CELSR1: variants seen among roughly 807,000 people sequenced by gnomAD.
CELSR1 encodes adhesion G protein-coupled receptor C1.
Under a neutral mutation model 249.1 loss-of-function variants are expected in CELSR1, and 110 were observed. That is an observed-to-expected ratio of 0.44 (90% CI 0.38 to 0.52). CELSR1 has a LOEUF of 0.52. CELSR1 is among the 20% of genes least tolerant of loss of function. The pLI is 0.00. For missense variants in CELSR1, 4,109 were observed against 4,296.4 expected (o/e 0.96, Z 1.22); for synonymous variants, 2,113 against 1,900.0 (o/e 1.11, Z -2.92).
intron 28 of CELSR1, 97 bp downstream of exon 28, chr22:46,367,628 GGGCT>G: frequency 6.8e-7 from 1 of 1,481,348 alleles, no homozygotes; most frequent in South Asian, 1.3e-5. Flanking sequence ...GACCCAGGCA[GGGCT>G]GGTTTGGGAC....
In CELSR1 at chr22:46,399,585, G is replaced by T; in HGVS notation, c.5412+132C>A. 3.6e-6 allele frequency: 3 copies of T among 837,958 alleles called. No individual in the cohort carries two copies. Among genetic ancestry groups the T allele is most frequent in the South Asian group, 1.7e-5 (1 of 60,210 alleles). The allele number at this position is 837,958 out of a possible 1,614,324, so 51.9% of individuals were successfully genotyped here. A position where few individuals can be genotyped will look rare whatever the true frequency, so the allele number is the denominator to read the frequency against. ...TACAGGGCAGAACAGAAGCCCACCT[G>T]CGGGGACCCAGAAAGTGCCTCCCCA... On this transcript the variant is annotated intron_variant, in intron 10 of 34. Coordinates refer to ENST00000674500, the MANE Select transcript of CELSR1 (RefSeq NM_001378328.1). This position sits in a 1 kb window ranked among gnomAD's most constrained non-coding sequence, Gnocchi z 5.0.
rs1050284315 is a variant in CELSR1 at position 46,374,093 on chromosome 22, C to T, written c.7585-1036G>A. On this transcript the variant is annotated intron_variant, in intron 24 of 34. Transcript: ENST00000674500. The surrounding 1 kb of genome is among the most constrained non-coding windows in gnomAD (Gnocchi z 4.3). ...ACAGAGCAGGAACCGAAGCAGGGAA[C>T]GCAGGCTCAAGTTATGCCAGAGACA... 2.6e-5 allele frequency among the ~76,000 whole-genome samples: 4 copies of T among 152,236 alleles called. No homozygotes were observed. The highest frequency in any genetic ancestry group is 7.2e-5 in the African/African-American group (3 of 41,460).
chr22:46,386,431 C>T lies in CELSR1; in HGVS notation c.6710G>A (p.Arg2237Gln), dbSNP rs757607681. The T allele has an allele frequency of 8.2e-6, 13 of 1,591,584 alleles. No homozygotes were observed. Among genetic ancestry groups the T allele is most frequent in the Admixed American group, 1.8e-5 (1 of 56,602 alleles). Residue 2237 changes from arginine (R) to glutamine (Q), a missense_variant, in exon 19 of 35, where the codon CGG becomes CAG. Transcript: ENST00000674500. ...VARNVRRTYL[R>Q]PFVIVTANMI... ...GTTGGCGGTGACGATGACGAAGGGC[C>T]GCAGGTACGTCCGCCGCACGTTGCG...
At chr22:46,467,196 G>A (rs2080105742) in intron 1 of CELSR1, among the ~76,000 whole-genome samples, 1 of 152,182 alleles carries the variant, frequency 6.6e-6, no homozygotes, top group Non-Finnish European at 1.5e-5. Context: ...CTTACGCAAT[G>A]CTCATAAATA....
intron 2 of CELSR1, among the ~76,000 whole-genome samples, 183 bp downstream of exon 2, chr22:46,463,522 TAA>T (rs11453877): frequency 3.5e-5 from 5 of 142,206 alleles, no homozygotes; most frequent in African/African-American, 5.2e-5. Flanking sequence ...TCAAAAAAGT[TAA>T]AAAAAAAAAA....
intron 1 of CELSR1, among the ~76,000 whole-genome samples, chr22:46,499,144 C>A (rs903068154): frequency 3.4e-5 from 5 of 149,088 alleles, no homozygotes; most frequent in Admixed American, 1.3e-4. Flanking sequence ...CGTGCCACTG[C>A]ACTCCAGCCT....
In CELSR1 at chr22:46,364,129, A is replaced by G. The variant is rs1201303922; in HGVS notation, c.8902T>C (p.Ser2968Pro). 1 of 1,612,254 alleles carries G rather than the reference A, an allele frequency of 6.2e-7. No homozygotes were observed. The highest frequency in any genetic ancestry group is 2.2e-5 in the East Asian group (1 of 44,866). ...CAGTCGGGGCCGCCAGAGCCCAGGG[A>G]AGACGTGCGCGAGGATGTGGGGCTC... ...EQSPTSSRTS[S>P]LGSGGPDCAI... Residue 2968 changes from serine (S) to proline (P), a missense_variant, in exon 34 of 35, where the codon TCC becomes CCC. Physicochemically the swap from Ser to Pro is moderately conservative, Grantham distance 74 (BLOSUM62 -1). Coordinates refer to ENST00000674500, the MANE Select transcript of CELSR1 (RefSeq NM_001378328.1).
intron 5 of CELSR1, among the ~76,000 whole-genome samples, chr22:46,414,173 G>A (rs187723241): frequency 6.6e-6 from 1 of 152,294 alleles, no homozygotes; most frequent in East Asian, 1.9e-4. Context: ...CTTCAGTCTG[G>A]CCTTCGTGAA....
chr22:46,459,398 C>G (rs1179215213), intron 2 of CELSR1, among the ~76,000 whole-genome samples: 2 of 152,236 alleles, frequency 1.3e-5, no homozygotes, highest in African/African-American at 4.8e-5. Context: ...GCATACCACC[C>G]ATCACACTGC....
Position 46,365,347 on chromosome 22 carries a change from AG to A in CELSR1, c.8437del (p.Leu2813TrpfsTer70). 1.2e-6 allele frequency: 2 copies of A among 1,612,922 alleles called. No homozygotes were observed. Among genetic ancestry groups the A allele is most frequent in the Non-Finnish European group, 1.7e-6 (2 of 1,179,926 alleles). On this transcript the variant is annotated frameshift_variant, in exon 32 of 35. Transcript: ENST00000674500. LOFTEE classifies it high-confidence loss of function. Reference sequence around the variant, plus strand: ...GGCGTAAGAGCTGCTCTGCTCATCCAGGGACAGCTCGCTATCTGAGTCGGAA... The same window carrying A: ...GGCGTAAGAGCTGCTCTGCTCATCCAGGACAGCTCGCTATCTGAGTCGGAA... ...HDSDSDSELS[L>X]DEQSSSYASS... is the part of the protein sequence containing the mutation.
At chr22:46,491,042 T>A (rs1436403047) in intron 1 of CELSR1, among the ~76,000 whole-genome samples, 1 of 151,864 alleles carries the variant, frequency 6.6e-6, no homozygotes, top group Admixed American at 6.6e-5. Flanking sequence ...CCCCCCAACA[T>A]CCATGCTCGC....
chr22:46,414,642 C>A (rs2147350091), intron 5 of CELSR1, among the ~76,000 whole-genome samples: 1 of 147,974 alleles, frequency 6.8e-6, no homozygotes. Flanking sequence ...TAACCGTCCA[C>A]TCTGCAGTTG....
In CELSR1 at chr22:46,445,809, G is replaced by C. The variant is rs887036077; in HGVS notation, c.4184-6398C>G. On this transcript the variant is annotated intron_variant, in intron 2 of 34. Coordinates refer to ENST00000674500, the MANE Select transcript of CELSR1 (RefSeq NM_001378328.1). This position sits in a 1 kb window ranked among gnomAD's most constrained non-coding sequence, Gnocchi z 4.4. ...GAGGTGGAAGCGTCCAGGACTCCCC[G>C]GGTGCTGTTCTCCCTGCTTGCAGGA... is the stretch of plus-strand genomic sequence containing the variant. Among the ~76,000 whole-genome samples the C allele has an allele frequency of 5.9e-5, 9 of 152,144 alleles. No individual in the cohort carries two copies. Among genetic ancestry groups the C allele is most frequent in the African/African-American group, 1.9e-4 (8 of 41,422 alleles).
Position 46,407,535 on chromosome 22 carries a change from G to T in CELSR1, c.5226+1461C>A, listed in dbSNP as rs1250533504. ...TAATCCCAACTACAATGGAGGCTGA[G>T]GCAGGAGAATCGCTTGAACCTGGGG... On this transcript the variant is annotated intron_variant, in intron 9 of 34. Transcript: ENST00000674500. This position sits in a 1 kb window ranked among gnomAD's most constrained non-coding sequence, Gnocchi z 4.8. Among the ~76,000 whole-genome samples the T allele has an allele frequency of 1.3e-5, 2 of 152,162 alleles. No homozygotes were observed. The highest frequency in any genetic ancestry group is 2.4e-5 in the African/African-American group (1 of 41,440).
chr22:46,471,418 C>G lies in CELSR1; in HGVS notation c.3545-7073G>C, dbSNP rs561821654. 6.6e-6 allele frequency among the ~76,000 whole-genome samples: 1 copy of G among 152,078 alleles called. No individual in the cohort carries two copies. Among genetic ancestry groups the G allele is most frequent in the Non-Finnish European group, 1.5e-5 (1 of 68,024 alleles). On this transcript the variant is annotated intron_variant, in intron 1 of 34. Transcript: ENST00000674500. This position sits in a 1 kb window ranked among gnomAD's most constrained non-coding sequence, Gnocchi z 4.9. ...TCTTTTGCTTGTTTTGAGACAGAGT[C>G]TCATTCTGTGGCCCAGGCTGGAATG...
chr22:46,367,778 C>T lies in CELSR1; in HGVS notation c.8030G>A (p.Arg2677His), dbSNP rs752786914. 1.4e-5 allele frequency: 23 copies of T among 1,610,732 alleles called. No homozygotes were observed. The highest frequency in any genetic ancestry group is 8.9e-5 in the South Asian group (8 of 90,284). The change falls in exon 28 of 35, where the codon CGC (arginine) becomes CAC (histidine). Residue 2677 changes from arginine (R) to histidine (H), a missense_variant. By Grantham distance (29) the Arg-to-His change is conservative (BLOSUM62 0). This residue lies in a region of CELSR1 where 1,805 missense variants were observed against 1,831.6 expected (regional missense o/e 0.99). Coordinates refer to ENST00000674500, the MANE Select transcript of CELSR1 (RefSeq NM_001378328.1). ...TWLLGLLAVN[R>H]DALSFHYLFA... ...GAGGTAGTGAAAGCTCAGTGCATCG[C>T]GGTTCACAGCCAGCAGCCCCAGCAG...
chr22:46,473,120 G>A lies in CELSR1; in HGVS notation c.3545-8775C>T, dbSNP rs2080172821. On this transcript the variant is annotated intron_variant, in intron 1 of 34. Coordinates refer to ENST00000674500, the MANE Select transcript of CELSR1 (RefSeq NM_001378328.1). The surrounding 1 kb of genome is among the most constrained non-coding windows in gnomAD (Gnocchi z 6.6). ...GCTGCCGGCCTCGTGGGCTCTCGGT[G>A]CAGGACGGCGGGGGTGGCTGAAGGA... Among the ~76,000 whole-genome samples, 1 of 152,138 alleles carries A rather than the reference G, an allele frequency of 6.6e-6. No individual in the cohort carries two copies. The highest frequency in any genetic ancestry group is 1.5e-5 in the Non-Finnish European group (1 of 68,022).
Position 46,437,417 on chromosome 22 carries a change from C to T in CELSR1, c.4407-1128G>A, listed in dbSNP as rs6008827. 0.024 allele frequency among the ~76,000 whole-genome samples: 3,712 copies of T among 152,236 alleles called. 161 individuals carry two copies. The highest frequency in any genetic ancestry group is 0.085 in the African/African-American group (3,522 of 41,516). ...CATTTTCCTGCAGCAGGAGTCGGCC[C>T]GAGCCAGCCTCGAGCATCTGACCTC... On this transcript the variant is annotated intron_variant, in intron 3 of 34. Transcript: ENST00000674500. The surrounding 1 kb of genome is among the most constrained non-coding windows in gnomAD (Gnocchi z 4.9).
chr22:46,455,675 G>A (rs1456269962), intron 2 of CELSR1, among the ~76,000 whole-genome samples: 3 of 152,204 alleles, frequency 2.0e-5, no homozygotes, highest in Non-Finnish European at 2.9e-5. Context: ...GGAAGCTCAC[G>A]GAAGCCGGAG....
Sources: allele counts gnomAD v4.1 joint callset (sites outside exome capture counted in the v4.1 genomes callset), GRCh38; gene constraint gnomAD v4.1.1; regional missense constraint gnomAD v4.1.1; non-coding constraint Gnocchi (gnomAD v3.1); transcripts MANE v1.5; gene names NCBI Gene and HGNC (gene_info 2026-07-23, HGNC 2026-07-21).